Variants in ABCA13 observed in about 807,000 individuals in gnomAD.
ABCA13 encodes ATP binding cassette subfamily A member 13.
ABCA13 carries 476 observed loss-of-function variants against 478.7 expected under a neutral mutation model. The observed-to-expected ratio is 0.99, with a 90% CI of 0.92 to 1.07. The LOEUF (loss-of-function observed/expected upper bound fraction) is 1.07. ABCA13 is among the 50% of genes least tolerant of loss of function. ABCA13 has a pLI of 0.00. For synonymous variants in ABCA13, 2,252 were observed against 2,158.9 expected (o/e 1.04, Z -1.20); for missense variants, 6,060 against 5,910.6 (o/e 1.03, Z -0.83).
At chr7:48,359,286 G>A (rs993287716) in intron 31 of ABCA13, among the ~76,000 whole-genome samples, 2 of 151,900 alleles carry the variant, frequency 1.3e-5, no homozygotes, top group Non-Finnish European at 2.9e-5. Flanking sequence ...GATGCAGAAG[G>A]TCAATCTGCA....
rs1491226822 is a variant in ABCA13 at position 48,293,201 on chromosome 7, CCG to C, written c.8956-2497_8956-2496del. On this transcript the variant is annotated intron_variant, in intron 20 of 61. Transcript: ENST00000435803. ...TCCTGAGAAGTCTTCAGCCCCCCCC[CCG>C]CCACACACACACTAAATCTACCTCA... is the stretch of plus-strand genomic sequence containing the variant. Among the ~76,000 whole-genome samples the C allele has an allele frequency of 3.0e-4, 41 of 137,372 alleles. 2 individuals carry two copies. Among genetic ancestry groups the C allele is most frequent in the African/African-American group, 6.2e-4 (24 of 38,772 alleles). 90.1% of individuals were successfully genotyped at this position (137,372 alleles called of 152,430 possible).
chr7:48,235,933 G>A (rs1214674328), intron 8 of ABCA13, among the ~76,000 whole-genome samples: 2 of 152,060 alleles, frequency 1.3e-5, no homozygotes, highest in African/African-American at 4.8e-5. Flanking sequence ...TTTTCCAATT[G>A]TAGGCTAATG....
At chr7:48,467,413 A>T (rs900143755) in intron 44 of ABCA13, among the ~76,000 whole-genome samples, 4 of 152,188 alleles carry the variant, frequency 2.6e-5, no homozygotes, top group African/African-American at 9.7e-5. Flanking sequence ...GAATCCTTGT[A>T]CATATAAAAA....
At chr7:48,348,228 C>T (rs111338269) in intron 29 of ABCA13, among the ~76,000 whole-genome samples, 189 of 152,246 alleles carry the variant, frequency 1.2e-3, no homozygotes, top group African/African-American at 4.2e-3. Context: ...TACAGTGGCT[C>T]GGAGGCTCAG....
At chr7:48,281,219 T>C in intron 18 of ABCA13, 124 bp from the exon 19 acceptor site, 1 of 757,570 alleles carries the variant, frequency 1.3e-6, no homozygotes, top group South Asian at 1.7e-5. Context: ...ATGAAGAAAA[T>C]ATGATTATGC....
rs1831648570 is a variant in ABCA13 at position 48,511,180 on chromosome 7, C to T, written c.13621C>T (p.Leu4541Phe). The change falls in exon 51 of 62, where the codon CTC (leucine) becomes TTC (phenylalanine). Residue 4541 changes from leucine to phenylalanine, a missense_variant. Physicochemically the swap from Leu to Phe is conservative, Grantham distance 22. Around this residue, in one of 3 missense-constraint regions of ABCA13, gnomAD observed 1,627 missense variants for 1,571.0 expected, o/e 1.04. Coordinates refer to ENST00000435803, the MANE Select transcript of ABCA13 (RefSeq NM_152701.5). The part of the protein sequence containing the change: ...TFRKNLAATA[L>F]LLSLFGYATL... ...CCGCAAGAACTTGGCAGCCACGGCC[C>T]TCCTGCTGTCACTTTTCGGGTATGT... is the stretch of plus-strand genomic sequence containing the variant. 3.7e-6 allele frequency: 6 copies of T among 1,612,130 alleles called. No individual in the cohort carries two copies. In the East Asian group the frequency reaches 1.3e-4, roughly 36 times the overall value.
chr7:48,644,775 C>T lies in ABCA13; in HGVS notation c.15081+21C>T, dbSNP rs983143147. ...AGCAGGTATAGTATCTTGAATGATTCAGGAGGTTGAATTTTGGTCTGTTCA... is the reference window on the plus strand; with the variant it reads ...AGCAGGTATAGTATCTTGAATGATTTAGGAGGTTGAATTTTGGTCTGTTCA... On this transcript the variant is annotated intron_variant, in intron 61 of 61. Transcript: ENST00000435803. 4 of 1,544,686 alleles carry T rather than the reference C, an allele frequency of 2.6e-6. No homozygotes were observed. The African/African-American group carries it at 5.6e-5, about 21-fold the overall frequency.
intron 42 of ABCA13, among the ~76,000 whole-genome samples, chr7:48,450,559 ATAT>A (rs1458290661): frequency 2.0e-5 from 3 of 152,190 alleles, no homozygotes; most frequent in Non-Finnish European, 2.9e-5. Flanking sequence ...GCATATCAAA[ATAT>A]TATTTTTTAT....
intron 34 of ABCA13, among the ~76,000 whole-genome samples, chr7:48,375,528 G>A (rs1813329321): frequency 6.6e-6 from 1 of 152,066 alleles, no homozygotes; most frequent in Non-Finnish European, 1.5e-5. Flanking sequence ...TCTATTGGCA[G>A]CATTTTTTGC....
chr7:48,508,600 C>T (rs1831416421), intron 50 of ABCA13, among the ~76,000 whole-genome samples: 1 of 152,132 alleles, frequency 6.6e-6, no homozygotes, highest in Admixed American at 6.5e-5. Context: ...TAAAAAAAAG[C>T]ATCTTATATG....
At chr7:48,567,202 A>G (rs558593721) in intron 55 of ABCA13, among the ~76,000 whole-genome samples, 1 of 152,244 alleles carries the variant, frequency 6.6e-6, no homozygotes, top group African/African-American at 2.4e-5. Flanking sequence ...GAACTGGATG[A>G]CGGGTTGCTT....
Position 48,626,876 on chromosome 7 carries a change from G to C in ABCA13, c.14837+11499G>C, listed in dbSNP as rs180880420. ...CTGTTTGGAGAATTCCTACGAGGAA[G>C]GGCTGTTGATATTCATGTTCTCTTT... On this transcript the variant is annotated intron_variant, in intron 59 of 61. Coordinates refer to ENST00000435803, the MANE Select transcript of ABCA13 (RefSeq NM_152701.5). The C allele has an allele frequency of 3.1e-5, 31 of 985,400 alleles. No homozygotes were observed. The East Asian group carries it at 2.7e-3, about 87-fold the overall frequency. The allele number at this position is 985,400 out of a possible 1,614,324, so 61.0% of individuals were successfully genotyped here.
chr7:48,595,494 A>T (rs996082217), intron 58 of ABCA13, among the ~76,000 whole-genome samples: 3 of 152,220 alleles, frequency 2.0e-5, no homozygotes, highest in African/African-American at 4.8e-5. Context: ...GCTGCCAAAG[A>T]TCTCACATTT....
Position 48,287,955 on chromosome 7 carries a change from G to T in ABCA13, c.8837-5G>T. On this transcript the variant is annotated splice_polypyrimidine_tract_variant and splice_region_variant and intron_variant, in intron 19 of 61. Transcript: ENST00000435803. ...AATTATTTCTCTGTGTGTTTCCTCT[G>T]GCAGAAAACCCTTCCTGGACCAAGG... 6.2e-7 allele frequency: 1 copy of T among 1,610,962 alleles called. No homozygotes were observed. Among genetic ancestry groups the T allele is most frequent in the Non-Finnish European group, 8.5e-7 (1 of 1,177,258 alleles).
intron 8 of ABCA13, among the ~76,000 whole-genome samples, chr7:48,235,421 TAG>T (rs1469063614): frequency 6.6e-6 from 1 of 152,210 alleles, no homozygotes; most frequent in Non-Finnish European, 1.5e-5. Context: ...ATATTGAGAT[TAG>T]AATTAAAAGG....
In ABCA13 at chr7:48,350,647, G is replaced by A; in HGVS notation, c.10209G>A (p.Gly3403=). 1 of 1,612,254 alleles carries A rather than the reference G, an allele frequency of 6.2e-7. No homozygotes were observed. The highest frequency in any genetic ancestry group is 2.2e-5 in the East Asian group (1 of 44,840). ...TAATCTGTTCACTTTCCTCAGGAGGGCTGCTGGATGAGATGTTTAACCATG... is the reference window on the plus strand; with the variant it reads ...TAATCTGTTCACTTTCCTCAGGAGGACTGCTGGATGAGATGTTTAACCATG... The part of the protein sequence containing the change: ...KLTEKLQTYG[G]LLDEMFNHAG... Residue 3403 remains glycine (G), a synonymous_variant, in exon 30 of 62, where the codon GGG becomes GGA. Transcript: ENST00000435803.
At position 48,516,926 on chromosome 7, in the gene ABCA13, T is replaced by G. The variant is rs191394292; in HGVS notation, c.13797+45T>G. On this transcript the variant is annotated intron_variant, in intron 52 of 61. Coordinates refer to ENST00000435803, the MANE Select transcript of ABCA13 (RefSeq NM_152701.5). ...CACCTCTACACTTCTGCACCTCTAG[T>G]GCAAAGACGGTGTTAACTCATGCCT... The G allele has an allele frequency of 2.1e-4, 329 of 1,584,396 alleles. 3 individuals are homozygous for G. In the East Asian group the frequency reaches 7.3e-3, roughly 35 times the overall value.
chr7:48,189,074 G>T (rs1796743604), intron 1 of ABCA13, among the ~76,000 whole-genome samples: 1 of 152,106 alleles, frequency 6.6e-6, no homozygotes, highest in Non-Finnish European at 1.5e-5. Flanking sequence ...GAGAGCCTGT[G>T]GCAGCATCTG....
At chr7:48,460,028 ACT>A (rs1434486248) in intron 43 of ABCA13, among the ~76,000 whole-genome samples, 3 of 151,178 alleles carry the variant, frequency 2.0e-5, no homozygotes, top group Non-Finnish European at 4.4e-5. Flanking sequence ...CTACCCCCAA[ACT>A]CTCTCTCTTT....
Sources: allele counts gnomAD v4.1 joint callset (sites outside exome capture counted in the v4.1 genomes callset), GRCh38; gene constraint gnomAD v4.1.1; regional missense constraint gnomAD v4.1.1; transcripts MANE v1.5; gene names NCBI Gene and HGNC (gene_info 2026-07-23, HGNC 2026-07-21).